SPOPL: variants seen among roughly 807,000 people sequenced by gnomAD.
SPOPL encodes the protein speckle type BTB/POZ protein like.
Under a neutral mutation model 53.8 loss-of-function variants are expected in SPOPL, and 23 were observed. That is an observed-to-expected ratio of 0.43 (90% CI 0.31 to 0.61). SPOPL has a LOEUF of 0.61. Among genes scored for constraint, SPOPL ranks in the 20% least tolerant of loss-of-function variants. The pLI, the probability that SPOPL is intolerant of heterozygous loss-of-function variation, is 0.12. For synonymous variants in SPOPL, 164 were observed against 149.7 expected (o/e 1.10, Z -0.70); for missense variants, 442 against 466.9 (o/e 0.95, Z 0.49).
At chr2:138,530,197 T>C (rs1056287688) in intron 1 of SPOPL, among the ~76,000 whole-genome samples, 5 of 152,236 alleles carry the variant, frequency 3.3e-5, no homozygotes, top group African/African-American at 1.2e-4. Context: ...GTATGACATT[T>C]TTTTAATCCA....
intron 1 of SPOPL, among the ~76,000 whole-genome samples, chr2:138,520,805 A>G (rs1684540304): frequency 1.3e-5 from 2 of 152,202 alleles, no homozygotes; most frequent in Admixed American, 6.5e-5. Context: ...TACCCTGTTT[A>G]TATATTACTA....
intron 1 of SPOPL, among the ~76,000 whole-genome samples, chr2:138,514,848 C>T (rs796221774): frequency 3.1e-4 from 47 of 152,286 alleles, no homozygotes; most frequent in African/African-American, 1.1e-3. Flanking sequence ...AGTTGTCCCA[C>T]ATACTCTGGA....
At chr2:138,565,032 A>G (rs1685631677) in intron 10 of SPOPL, 39 bp downstream of exon 10, 4 of 1,610,600 alleles carry the variant, frequency 2.5e-6, no homozygotes, top group Non-Finnish European at 3.4e-6. Flanking sequence ...GTTGCTCTAC[A>G]TAAGTGAGAT....
chr2:138,546,171 A>G (rs1685191071), intron 1 of SPOPL, among the ~76,000 whole-genome samples: 1 of 152,252 alleles, frequency 6.6e-6, no homozygotes, highest in Non-Finnish European at 1.5e-5. Context: ...TTGTTGAAGT[A>G]GAAAGTCTTG....
At chr2:138,520,393 T>A (rs1333047325) in intron 1 of SPOPL, among the ~76,000 whole-genome samples, 1 of 152,194 alleles carries the variant, frequency 6.6e-6, no homozygotes, top group Non-Finnish European at 1.5e-5. Flanking sequence ...TTTGTGTTGC[T>A]TAAAAATATA....
chr2:138,508,728 T>C (rs1299438732), intron 1 of SPOPL, among the ~76,000 whole-genome samples: 1 of 152,176 alleles, frequency 6.6e-6, no homozygotes, highest in Admixed American at 6.5e-5. Flanking sequence ...TTCCCAGGCT[T>C]GTCTCAAACT....
chr2:138,545,577 G>A (rs553770805), intron 1 of SPOPL, among the ~76,000 whole-genome samples: 18 of 146,368 alleles, frequency 1.2e-4, no homozygotes, highest in African/African-American at 4.5e-4. Context: ...GGGACTATAG[G>A]CGCCTGCCAT....
At chr2:138,558,990 A>G in intron 5 of SPOPL, 32 bp from the exon 6 acceptor site, 1 of 1,534,220 alleles carries the variant, frequency 6.5e-7, no homozygotes, top group Non-Finnish European at 8.7e-7. Context: ...TACTTTGTGA[A>G]AGTGTTTTTC....
intron 5 of SPOPL, among the ~76,000 whole-genome samples, chr2:138,557,069 T>C (rs1315909241): frequency 6.6e-6 from 1 of 151,776 alleles, no homozygotes; most frequent in Non-Finnish European, 1.5e-5. Flanking sequence ...GGCAGGAGAA[T>C]GGCATGAATG....
chr2:138,567,995 T>TG (rs1424293499), intron 10 of SPOPL, among the ~76,000 whole-genome samples: 5 of 151,718 alleles, frequency 3.3e-5, no homozygotes, highest in Non-Finnish European at 7.4e-5. Flanking sequence ...AGGTAGGAAG[T>TG]GGGGGGTAGA....
intron 7 of SPOPL, 43 bp from the exon 8 acceptor site, chr2:138,560,762 C>CTTT: frequency 3.8e-6 from 5 of 1,329,856 alleles, no homozygotes; most frequent in Non-Finnish European, 4.0e-6. Context: ...TTTGTGTGTA[C>CTTT]TTTTTTTTTT....
chr2:138,537,119 G>A (rs1649165522), intron 1 of SPOPL, among the ~76,000 whole-genome samples: 1 of 152,138 alleles, frequency 6.6e-6, no homozygotes, highest in African/African-American at 2.4e-5. Flanking sequence ...TCATTCACCT[G>A]TAACATCAGC....
Position 138,550,747 on chromosome 2 carries a change from A to G in SPOPL, c.200+143A>G, listed in dbSNP as rs991756882. On this transcript the variant is annotated intron_variant, in intron 3 of 10. Coordinates refer to ENST00000280098, the MANE Select transcript of SPOPL (RefSeq NM_001001664.3). Reference sequence around the variant, plus strand: ...GTAGTATGTTCCTAATAGTGTGGGGAATTATAAAGAACTGTGAGGATGTTG... The same window carrying G: ...GTAGTATGTTCCTAATAGTGTGGGGGATTATAAAGAACTGTGAGGATGTTG... 6 of 1,402,100 alleles carry G rather than the reference A, an allele frequency of 4.3e-6. No individual in the cohort carries two copies. The Admixed American group carries it at 1.4e-4, about 33-fold the overall frequency. 86.9% of individuals were successfully genotyped at this position (1,402,100 alleles called of 1,614,324 possible). A position where few individuals can be genotyped will look rare whatever the true frequency, so the allele number is the denominator to read the frequency against.
chr2:138,536,535 T>C (rs2104878335), intron 1 of SPOPL, among the ~76,000 whole-genome samples: 1 of 152,310 alleles, frequency 6.6e-6, no homozygotes, highest in South Asian at 2.1e-4. Context: ...CCCTGGGGCA[T>C]TATGTTGTTC....
chr2:138,564,751 G>C lies in SPOPL; in HGVS notation c.881G>C (p.Cys294Ser). The change falls in exon 9 of 11, where the codon TGT becomes TCT. Residue 294 changes from cysteine (C) to serine (S), a missense_variant. Cys to Ser is a moderately radical substitution (Grantham distance 112, BLOSUM62 -1). Coordinates refer to ENST00000280098, the MANE Select transcript of SPOPL (RefSeq NM_001001664.3). ...RLKVMCEEAL[C>S]SNLSVENVAD... Reference sequence around the variant, plus strand: ...AAGGTCATGTGCGAAGAAGCTTTGTGTAGTAACCTCTCAGTAGAGAATGTT... The same window carrying C: ...AAGGTCATGTGCGAAGAAGCTTTGTCTAGTAACCTCTCAGTAGAGAATGTT... The C allele has an allele frequency of 9.3e-6, 15 of 1,614,200 alleles. No individual in the cohort carries two copies. The highest frequency in any genetic ancestry group is 1.2e-5 in the Non-Finnish European group (14 of 1,180,024).
In SPOPL at chr2:138,550,135, A is replaced by G. The variant is rs754701216; in HGVS notation, c.-60-22A>G. ...GTCGTTTAAACTTTTTAATCAGTAC[A>G]TCAAACTTCTTTCCTTTGTAGGTAA... On this transcript the variant is annotated intron_variant, in intron 1 of 10. Coordinates refer to ENST00000280098, the MANE Select transcript of SPOPL (RefSeq NM_001001664.3). The G allele has an allele frequency of 6.1e-6, 8 of 1,316,120 alleles. No individual in the cohort carries two copies. In the East Asian group the frequency reaches 1.4e-4, roughly 23 times the overall value. The allele number at this position is 1,316,120 out of a possible 1,614,324, so 81.5% of individuals were successfully genotyped here.
chr2:138,515,149 G>A (rs542537078), intron 1 of SPOPL, among the ~76,000 whole-genome samples: 1 of 152,326 alleles, frequency 6.6e-6, no homozygotes, highest in African/African-American at 2.4e-5. Context: ...TAGCTCCGCA[G>A]TGTAGTTTAT....
At chr2:138,504,457 A>G (rs1684171189) in intron 1 of SPOPL, among the ~76,000 whole-genome samples, 1 of 152,244 alleles carries the variant, frequency 6.6e-6, no homozygotes, top group African/African-American at 2.4e-5. Flanking sequence ...CTCCCCTAGA[A>G]TCAGACTTTT....
At chr2:138,528,199 T>C (rs964218681) in intron 1 of SPOPL, among the ~76,000 whole-genome samples, 1 of 152,188 alleles carries the variant, frequency 6.6e-6, no homozygotes, top group African/African-American at 2.4e-5. Context: ...ACTGCCACCC[T>C]TGGGGAAGGG....
Sources: gnomAD v4.1 joint callset for allele counts (sites outside exome capture counted in the v4.1 genomes callset) on GRCh38, gnomAD v4.1.1 for gene constraint, MANE v1.5 for transcripts, NCBI Gene and HGNC (gene_info 2026-07-23, HGNC 2026-07-21) for gene names.